The following CKAP5 variants were observed in gnomAD, a reference collection of about 807,000 sequenced individuals.
CKAP5 encodes cytoskeleton associated protein 5.
Under a neutral mutation model 232.8 loss-of-function variants are expected in CKAP5, and 27 were observed. The ratio of observed to expected loss-of-function variants is 0.12; its 90% CI spans 0.09 to 0.16. The LOEUF is 0.16. Among genes scored for constraint, CKAP5 ranks in the 10% least tolerant of loss-of-function variants. The probability of loss-of-function intolerance (pLI) is 1.00; values close to 1 mark genes in which losing one functional copy is unlikely to be tolerated. For missense variants in CKAP5, 1,838 were observed against 2,424.7 expected (o/e 0.76, Z 5.08); for synonymous variants, 785 against 841.1 (o/e 0.93, Z 1.16).
At chr11:46,770,405 G>GT (rs1295190666) in intron 25 of CKAP5, 4 of 356,840 alleles carry the variant, frequency 1.1e-5, no homozygotes, top group African/African-American at 2.1e-5. Context: ...AGGTAATATG[G>GT]TTTTTTCCTC....
intron 24 of CKAP5, among the ~76,000 whole-genome samples, chr11:46,774,949 A>G (rs541503049): frequency 6.6e-6 from 1 of 152,330 alleles, no homozygotes; most frequent in South Asian, 2.1e-4. Flanking sequence ...TGACTAAAAC[A>G]CCAAAAGCAA....
Position 46,790,555 on chromosome 11 carries a change from G to A in CKAP5, c.1679C>T (p.Pro560Leu). ...ATTCCCTGCGCCTCCTGGTGCAGCT[G>A]GTTTCCCCTTTTTTGGTGGCCCACC... is the stretch of plus-strand genomic sequence containing the variant. ...KAGGPPKKGK[P>L]AAPGGAGNTG... is the part of the protein sequence containing the mutation. The change falls in exon 14 of 44, where the codon CCA becomes CTA. Residue 560 changes from proline (P) to leucine (L), a missense_variant. By Grantham distance (98) the Pro-to-Leu change is moderately conservative. Coordinates refer to ENST00000529230, the MANE Select transcript of CKAP5 (RefSeq NM_001008938.4). The A allele has an allele frequency of 6.2e-7, 1 of 1,613,634 alleles. No individual in the cohort carries two copies. The highest frequency in any genetic ancestry group is 8.5e-7 in the Non-Finnish European group (1 of 1,179,714).
At chr11:46,791,246 T>G (rs879837264) in intron 13 of CKAP5, among the ~76,000 whole-genome samples, 15 of 109,888 alleles carry the variant, frequency 1.4e-4, no homozygotes, top group Admixed American at 5.7e-4. Context: ...TTTATTTGGG[T>G]TTTTTTTTTT....
intron 33 of CKAP5, among the ~76,000 whole-genome samples, chr11:46,759,920 C>G (rs1036672319): frequency 6.6e-6 from 1 of 152,172 alleles, no homozygotes; most frequent in Non-Finnish European, 1.5e-5. Flanking sequence ...GACCACCAGT[C>G]ACCCCTTTTT....
intron 38 of CKAP5, among the ~76,000 whole-genome samples, chr11:46,752,193 T>TATACACACACAC (rs1408030107): frequency 1.5e-5 from 1 of 66,574 alleles, no homozygotes; most frequent in African/African-American, 5.1e-5. Context: ...TATATATATA[T>TATACACACACAC]ACACACACAC....
At chr11:46,766,320 A>T (rs1231853286) in intron 27 of CKAP5, among the ~76,000 whole-genome samples, 1 of 152,244 alleles carries the variant, frequency 6.6e-6, no homozygotes, top group Non-Finnish European at 1.5e-5. Context: ...AGTCAAAAAT[A>T]CTGCAAAACA....
chr11:46,815,578 T>G (rs1034862819), intron 4 of CKAP5, among the ~76,000 whole-genome samples: 10 of 152,192 alleles, frequency 6.6e-5, no homozygotes, highest in African/African-American at 2.4e-4. Flanking sequence ...ATTACAGGCA[T>G]GAGCCACTGC....
At chr11:46,790,702 G>C in intron 13 of CKAP5, 119 bp from the exon 14 acceptor site, 1 of 666,920 alleles carries the variant, frequency 1.5e-6, no homozygotes, top group South Asian at 2.0e-5. Flanking sequence ...GAATGCAGCT[G>C]CACAAGCTCA....
At chr11:46,752,564 C>T in intron 38 of CKAP5, 71 bp downstream of exon 38, 1 of 1,201,234 alleles carries the variant, frequency 8.3e-7, no homozygotes, top group Non-Finnish European at 1.2e-6. Context: ...GCTCCAATTC[C>T]TCTTTCCCCA....
chr11:46,808,830 G>A (rs76643705), intron 7 of CKAP5, among the ~76,000 whole-genome samples: 3,387 of 152,248 alleles, frequency 0.022, 120 homozygotes, highest in African/African-American at 0.077. Context: ...AAAAAGACCA[G>A]AAAAGAACAA....
chr11:46,783,262 G>T lies in CKAP5; in HGVS notation c.2249+12C>A. The T allele has an allele frequency of 6.7e-7, 1 of 1,492,960 alleles. No homozygotes were observed. Among genetic ancestry groups the T allele is most frequent in the Non-Finnish European group, 9.3e-7 (1 of 1,072,988 alleles). The allele number at this position is 1,492,960 out of a possible 1,614,324, so 92.5% of individuals were successfully genotyped here. On this transcript the variant is annotated intron_variant, in intron 18 of 43. Coordinates refer to ENST00000529230, the MANE Select transcript of CKAP5 (RefSeq NM_001008938.4). Reference sequence around the variant, plus strand: ...ATTTAACTATTTTCCACTTGATTTCGTTCTGACTTACCCAGAAAAACCAAA... The same window carrying T: ...ATTTAACTATTTTCCACTTGATTTCTTTCTGACTTACCCAGAAAAACCAAA...
At chr11:46,796,442 T>A (rs979536723) in intron 12 of CKAP5, among the ~76,000 whole-genome samples, 2 of 152,204 alleles carry the variant, frequency 1.3e-5, no homozygotes, top group African/African-American at 2.4e-5. Flanking sequence ...CAGCTTTTTT[T>A]CGGTTATAAT....
intron 7 of CKAP5, 101 bp downstream of exon 7, chr11:46,809,299 T>C (rs1037148527): frequency 1.4e-6 from 1 of 718,408 alleles, no homozygotes; most frequent in South Asian, 1.9e-5. Context: ...AGATATGGGA[T>C]GGAAGGGGGT....
At chr11:46,825,535 C>CT (rs942323989) in intron 1 of CKAP5, among the ~76,000 whole-genome samples, 2 of 152,122 alleles carry the variant, frequency 1.3e-5, no homozygotes, top group African/African-American at 4.8e-5. Context: ...GGCAGTATGA[C>CT]TTTTTTATGG....
intron 33 of CKAP5, among the ~76,000 whole-genome samples, chr11:46,760,021 T>C (rs2065141822): frequency 6.6e-6 from 1 of 152,228 alleles, no homozygotes; most frequent in African/African-American, 2.4e-5. Flanking sequence ...AAAATTATAC[T>C]CATGACACAA....
At position 46,770,592 on chromosome 11, in the gene CKAP5, C is replaced by T. The variant is rs995423052; in HGVS notation, c.3186+196G>A. On this transcript the variant is annotated intron_variant, in intron 25 of 43. Coordinates refer to ENST00000529230, the MANE Select transcript of CKAP5 (RefSeq NM_001008938.4). Reference sequence around the variant, plus strand: ...GATTACAGGCATGTGCCACCAAACCCGGCTAAATTTTGTTTTTGTAGAGAT... The same window carrying T: ...GATTACAGGCATGTGCCACCAAACCTGGCTAAATTTTGTTTTTGTAGAGAT... 4.6e-5 allele frequency among the ~76,000 whole-genome samples: 7 copies of T among 152,132 alleles called. No individual in the cohort carries two copies. In the South Asian group the frequency reaches 1.2e-3, roughly 27 times the overall value.
At chr11:46,763,305 TA>T in intron 29 of CKAP5, 126 bp from the exon 30 acceptor site, 1 of 1,013,198 alleles carries the variant, frequency 9.9e-7, no homozygotes, top group Non-Finnish European at 1.4e-6. Context: ...AGCCTTCAAT[TA>T]AGACCTAAAA....
chr11:46,760,806 AAACCT>A, intron 32 of CKAP5, 22 bp from the exon 33 acceptor site: 1 of 1,604,688 alleles, frequency 6.2e-7, no homozygotes, highest in Non-Finnish European at 8.5e-7. Flanking sequence ...CCAAATTTAG[AAACCT>A]AACTGGATAA....
At position 46,808,128 on chromosome 11, in the gene CKAP5, T is replaced by C; in HGVS notation, c.881A>G (p.Gln294Arg). ...AGACTCCAGGGCCTCTTTTCTCTCT[T>C]GCCATTTTTTTGCCTCCTGCAAGAT... is the stretch of plus-strand genomic sequence containing the variant. ...FYDKIEAKKWQERKEALESVE... is the reference protein window; with the variant it reads ...FYDKIEAKKWRERKEALESVE... The change falls in exon 8 of 44, where the codon CAA (glutamine) becomes CGA (arginine). Residue 294 changes from glutamine to arginine, a missense_variant. Gln to Arg is a conservative substitution (Grantham distance 43). This residue lies in a region of CKAP5 where 97 missense variants were observed against 167.7 expected (regional missense o/e 0.58). Transcript: ENST00000529230. 1 of 1,613,040 alleles carries C rather than the reference T, an allele frequency of 6.2e-7. No individual in the cohort carries two copies. Among genetic ancestry groups the C allele is most frequent in the Non-Finnish European group, 8.5e-7 (1 of 1,179,642 alleles).
Sources: allele counts gnomAD v4.1 joint callset (sites outside exome capture counted in the v4.1 genomes callset), GRCh38; gene constraint gnomAD v4.1.1; regional missense constraint gnomAD v4.1.1; transcripts MANE v1.5; gene names NCBI Gene and HGNC (gene_info 2026-07-23, HGNC 2026-07-21).